Variants in TRIP4 observed in about 807,000 individuals in gnomAD.
TRIP4 encodes the protein activating signal cointegrator 1.
Under a neutral mutation model 81.8 loss-of-function variants are expected in TRIP4, and 54 were observed. The observed-to-expected ratio is 0.66, with a 90% CI of 0.53 to 0.83. TRIP4 has a LOEUF of 0.83. Among genes scored for constraint, TRIP4 ranks in the 40% least tolerant of loss-of-function variants. The probability of loss-of-function intolerance (pLI) is 0.00; values close to 1 mark genes in which losing one functional copy is unlikely to be tolerated. For missense variants in TRIP4, 662 were observed against 683.6 expected (o/e 0.97, Z 0.35); for synonymous variants, 270 against 242.8 (o/e 1.11, Z -1.04).
At chr15:64,420,205 T>G (rs1274855055) in intron 9 of TRIP4, among the ~76,000 whole-genome samples, 1 of 150,728 alleles carries the variant, frequency 6.6e-6, no homozygotes, top group Non-Finnish European at 1.5e-5. Flanking sequence ...CACTGCAACC[T>G]CCACCTCCCG....
intron 3 of TRIP4, among the ~76,000 whole-genome samples, chr15:64,396,542 G>C (rs1269183966): frequency 1.3e-5 from 2 of 152,126 alleles, no homozygotes; most frequent in Non-Finnish European, 2.9e-5. Flanking sequence ...GCTTCTCAAA[G>C]TGCTGGGATT....
Position 64,406,394 on chromosome 15 carries a change from A to T in TRIP4, c.762A>T (p.Arg254=). 2 of 1,614,194 alleles carry T rather than the reference A, an allele frequency of 1.2e-6. No individual in the cohort carries two copies. The highest frequency in any genetic ancestry group is 1.7e-6 in the Non-Finnish European group (2 of 1,180,044). Reference sequence around the variant, plus strand: ...ACCTTCTTCCTCATCAAGAATTGCGAATTAAGTCTGGTCTGGAGAAGGCTA... The same window carrying T: ...ACCTTCTTCCTCATCAAGAATTGCGTATTAAGTCTGGTCTGGAGAAGGCTA... The part of the protein sequence containing the change: ...TKDLLPHQEL[R]IKSGLEKAIK... The change falls in exon 6 of 13, where the codon CGA becomes CGT. Residue 254 remains arginine, a synonymous_variant. Transcript: ENST00000261884.
At chr15:64,394,186 T>A in intron 2 of TRIP4, 71 bp downstream of exon 2, 1 of 636,328 alleles carries the variant, frequency 1.6e-6, no homozygotes, top group Non-Finnish European at 2.1e-6. Context: ...ATTATTATTA[T>A]TTTTTTTTTT....
At chr15:64,389,035 G>A (rs543618257) in intron 1 of TRIP4, among the ~76,000 whole-genome samples, 1 of 152,108 alleles carries the variant, frequency 6.6e-6, no homozygotes, top group African/African-American at 2.4e-5. Flanking sequence ...GCTTGTTGGA[G>A]CACAAAATAA....
At chr15:64,432,723 A>G (rs1005422020) in intron 11 of TRIP4, among the ~76,000 whole-genome samples, 1 of 151,946 alleles carries the variant, frequency 6.6e-6, no homozygotes, top group Admixed American at 6.6e-5. Flanking sequence ...TATCCTGGCT[A>G]ACATGGTGAA....
At chr15:64,425,254 G>A (rs1393187667) in intron 10 of TRIP4, among the ~76,000 whole-genome samples, 2 of 151,828 alleles carry the variant, frequency 1.3e-5, no homozygotes, top group African/African-American at 4.8e-5. Flanking sequence ...TAGTAGAATC[G>A]ATTTGTATTA....
chr15:64,443,599 T>C (rs1215529332), intron 11 of TRIP4, among the ~76,000 whole-genome samples: 1 of 152,112 alleles, frequency 6.6e-6, no homozygotes, highest in African/African-American at 2.4e-5. Context: ...GGCCCTGTTT[T>C]TCTTTGGCTT....
chr15:64,403,259 C>T (rs980370622), intron 5 of TRIP4, among the ~76,000 whole-genome samples: 16 of 152,058 alleles, frequency 1.1e-4, no homozygotes, highest in African/African-American at 3.1e-4. Flanking sequence ...TGGGTTCAAG[C>T]GATTCTCCTG....
At chr15:64,454,183 G>C (rs1168071509) in intron 12 of TRIP4, among the ~76,000 whole-genome samples, 1 of 148,678 alleles carries the variant, frequency 6.7e-6, no homozygotes, top group African/African-American at 2.5e-5. Flanking sequence ...TCTATTTTCA[G>C]CATAAGCATC....
intron 4 of TRIP4, among the ~76,000 whole-genome samples, chr15:64,399,215 G>A (rs995656757): frequency 2.6e-5 from 4 of 151,964 alleles, no homozygotes; most frequent in African/African-American, 9.7e-5. Context: ...GCCTCCCAAA[G>A]TGCTGGGATT....
At chr15:64,395,812 C>G (rs1269241930) in intron 3 of TRIP4, among the ~76,000 whole-genome samples, 2 of 150,924 alleles carry the variant, frequency 1.3e-5, no homozygotes, top group African/African-American at 4.9e-5. Flanking sequence ...GCGATCTCTG[C>G]TCATTGCAAC....
intron 11 of TRIP4, among the ~76,000 whole-genome samples, chr15:64,437,816 C>G (rs1263801939): frequency 6.6e-6 from 1 of 152,054 alleles, no homozygotes; most frequent in Non-Finnish European, 1.5e-5. Flanking sequence ...TACGATTGTC[C>G]TGGCAGCTGT....
chr15:64,433,264 A>G (rs557549892), intron 11 of TRIP4, among the ~76,000 whole-genome samples: 2 of 152,290 alleles, frequency 1.3e-5, no homozygotes, highest in South Asian at 4.1e-4. Context: ...TATGTGCCAC[A>G]TTCATCATGC....
intron 12 of TRIP4, among the ~76,000 whole-genome samples, chr15:64,450,492 C>T (rs1461039762): frequency 2.0e-5 from 3 of 151,746 alleles, no homozygotes; most frequent in Non-Finnish European, 4.4e-5. Context: ...AATCTAAGGA[C>T]AGTCATGATG....
chr15:64,452,645 A>G (rs1311343495), intron 12 of TRIP4, among the ~76,000 whole-genome samples: 1 of 152,164 alleles, frequency 6.6e-6, no homozygotes, highest in East Asian at 1.9e-4. Context: ...TTACAGGTTT[A>G]TGGAAGTTGT....
At chr15:64,442,726 G>A (rs571849958) in intron 11 of TRIP4, among the ~76,000 whole-genome samples, 1 of 152,074 alleles carries the variant, frequency 6.6e-6, no homozygotes, top group South Asian at 2.1e-4. Context: ...GGTGGCTCAC[G>A]CCTGTAATCC....
rs143005852 is a variant in TRIP4, at chr15:64,396,690, A to G, written c.406-916A>G. On this transcript the variant is annotated intron_variant, in intron 3 of 12. Coordinates refer to ENST00000261884, the MANE Select transcript of TRIP4 (RefSeq NM_016213.5). ...TAAGTGAACACATCACAATTTATCC[A>G]TTCTATTATTTGGATAGTTTCCAAT... is the stretch of plus-strand genomic sequence containing the variant. 2.1e-3 allele frequency among the ~76,000 whole-genome samples: 324 copies of G among 152,328 alleles called. 2 individuals carry two copies. Among genetic ancestry groups the G allele is most frequent in the Admixed American group, 4.4e-3 (67 of 15,288 alleles).
Position 64,397,664 on chromosome 15 carries a change from G to A in TRIP4, c.464G>A (p.Arg155Lys). 1 of 1,614,188 alleles carries A rather than the reference G, an allele frequency of 6.2e-7. No individual in the cohort carries two copies. The highest frequency in any genetic ancestry group is 8.5e-7 in the Non-Finnish European group (1 of 1,180,034). Reference sequence around the variant, plus strand: ...ACAAAGTTTGTCAATTTATACACAAGAGAGGGACAGGACAGGCTTGCAGTC... The same window carrying A: ...ACAAAGTTTGTCAATTTATACACAAAAGAGGGACAGGACAGGCTTGCAGTC... ...KKTKFVNLYT[R>K]EGQDRLAVLL... Residue 155 changes from arginine (R) to lysine (K), a missense_variant, in exon 4 of 13, where the codon AGA (arginine) becomes AAA (lysine). Transcript: ENST00000261884.
At chr15:64,413,511 G>T (rs16947945) in intron 7 of TRIP4, among the ~76,000 whole-genome samples, 14,300 of 152,114 alleles carry the variant, frequency 0.094, 1,374 homozygotes, top group African/African-American at 0.24. Flanking sequence ...CATGTTTAAT[G>T]ATCTTGTTGA....
Sources: allele counts gnomAD v4.1 joint callset (sites outside exome capture counted in the v4.1 genomes callset), GRCh38; gene constraint gnomAD v4.1.1; transcripts MANE v1.5; gene names NCBI Gene and HGNC (gene_info 2026-07-23, HGNC 2026-07-21).